Variants in CTNNBIP1 observed in about 807,000 individuals in gnomAD.
The protein encoded by CTNNBIP1 is beta-catenin-interacting protein 1.
A neutral mutation model predicts 11.8 loss-of-function variants in CTNNBIP1; 7 were observed. The observed-to-expected ratio is 0.60, with a 90% CI of 0.34 to 1.12. The LOEUF (loss-of-function observed/expected upper bound fraction) is 1.12. Among genes scored for constraint, CTNNBIP1 ranks in the 50% most tolerant of loss-of-function variants. The probability of loss-of-function intolerance (pLI) is 0.03; values close to 1 mark genes in which losing one functional copy is unlikely to be tolerated. For synonymous variants in CTNNBIP1, 58 were observed against 43.9 expected (o/e 1.32, Z -1.26); for missense variants, 101 against 113.4 (o/e 0.89, Z 0.50).
At chr1:9,860,324 C>G (rs1407652451) in intron 5 of CTNNBIP1, among the ~76,000 whole-genome samples, 2 of 150,014 alleles carry the variant, frequency 1.3e-5, no homozygotes, top group Non-Finnish European at 3.0e-5. Context: ...GGTGTGGTGG[C>G]TCATGCCTGT....
chr1:9,879,179 A>T (rs1172902406), intron 2 of CTNNBIP1, among the ~76,000 whole-genome samples: 1 of 150,824 alleles, frequency 6.6e-6, no homozygotes, highest in Non-Finnish European at 1.5e-5. Context: ...CCTGGGGAAC[A>T]GTGTGAGACT....
intron 5 of CTNNBIP1, among the ~76,000 whole-genome samples, chr1:9,863,124 GGA>G (rs1312890990): frequency 1.3e-5 from 2 of 152,086 alleles, no homozygotes; most frequent in African/African-American, 4.8e-5. Context: ...GACCCTCCCT[GGA>G]GCCGCAGCCA....
chr1:9,862,025 C>G (rs536972454), intron 5 of CTNNBIP1, among the ~76,000 whole-genome samples: 5 of 152,338 alleles, frequency 3.3e-5, no homozygotes, highest in African/African-American at 1.2e-4. Context: ...CCAAATCCAT[C>G]TTGCCCTGTT....
At chr1:9,856,590 C>G (rs1391929012) in intron 5 of CTNNBIP1, among the ~76,000 whole-genome samples, 1 of 150,972 alleles carries the variant, frequency 6.6e-6, no homozygotes, top group South Asian at 2.1e-4. Flanking sequence ...TCAATCTCAC[C>G]ACAATCTCCG....
chr1:9,908,093 C>CT (rs1639652485), intron 1 of CTNNBIP1, among the ~76,000 whole-genome samples: 2 of 152,354 alleles, frequency 1.3e-5, no homozygotes, highest in East Asian at 1.9e-4. Context: ...GAGTTTTGCT[C>CT]TGTTGCCCAG....
chr1:9,888,021 A>G (rs1337422346), intron 1 of CTNNBIP1, among the ~76,000 whole-genome samples: 1 of 151,438 alleles, frequency 6.6e-6, no homozygotes, highest in Non-Finnish European at 1.5e-5. Context: ...ACGGGGTTTC[A>G]CCATGTTGGC....
chr1:9,909,843 GT>G (rs1376955469), intron 1 of CTNNBIP1, among the ~76,000 whole-genome samples: 1 of 152,090 alleles, frequency 6.6e-6, no homozygotes, highest in East Asian at 1.9e-4. Context: ...GAGCAACAAG[GT>G]GGGCGGCGCG....
At chr1:9,880,203 C>T (rs1408369872) in intron 2 of CTNNBIP1, among the ~76,000 whole-genome samples, 3 of 151,914 alleles carry the variant, frequency 2.0e-5, no homozygotes. Context: ...TGTTCAACTC[C>T]CACTTATGAG....
At chr1:9,864,438 C>T (rs1020635550) in intron 5 of CTNNBIP1, among the ~76,000 whole-genome samples, 6 of 152,260 alleles carry the variant, frequency 3.9e-5, no homozygotes, top group Non-Finnish European at 4.4e-5. Context: ...ACGCCATTCT[C>T]CTGCCTCAGC....
At chr1:9,908,549 T>C (rs1639667561) in intron 1 of CTNNBIP1, among the ~76,000 whole-genome samples, 1 of 149,848 alleles carries the variant, frequency 6.7e-6, no homozygotes. Context: ...TAATTTTTTG[T>C]ATTTGTAGTA....
At position 9,871,928 on chromosome 1, in the gene CTNNBIP1, C is replaced by G; in HGVS notation, c.96+41G>C. 6.4e-7 allele frequency: 1 copy of G among 1,572,626 alleles called. No individual in the cohort carries two copies. The highest frequency in any genetic ancestry group is 8.8e-7 in the Non-Finnish European group (1 of 1,142,702). ...CAGCAGGGCCCCTCCCTGGGAGACC[C>G]TCCCTGGGGGCCCGCTGCCTGACAC... On this transcript the variant is annotated intron_variant, in intron 4 of 5. Coordinates refer to ENST00000377263, the MANE Select transcript of CTNNBIP1 (RefSeq NM_020248.3). The surrounding 1 kb of genome is among the most constrained non-coding windows in gnomAD (Gnocchi z 5.2).
At chr1:9,892,606 AAAG>A (rs1445794606) in intron 1 of CTNNBIP1, among the ~76,000 whole-genome samples, 30 of 152,136 alleles carry the variant, frequency 2.0e-4, no homozygotes, top group African/African-American at 6.0e-4. Context: ...AAAAAAAAGA[AAAG>A]AAGTTTTAAG....
Position 9,849,239 on chromosome 1 carries a change from G to C in CTNNBIP1, c.*1479C>G, listed in dbSNP as rs1173678505. On this transcript the variant is annotated 3_prime_UTR_variant, in exon 6 of 6. Transcript: ENST00000377263. Reference sequence around the variant, plus strand: ...CCTGCCCCTCACCCCCTGCCTCCAGGACTGCCATTCTGAACTGCAATTCTG... The same window carrying C: ...CCTGCCCCTCACCCCCTGCCTCCAGCACTGCCATTCTGAACTGCAATTCTG... The C allele has an allele frequency of 6.6e-6, 1 of 152,500 alleles. No individual in the cohort carries two copies. Among genetic ancestry groups the C allele is most frequent in the African/African-American group, 2.4e-5 (1 of 41,458 alleles). 9.4% of individuals were successfully genotyped at this position (152,500 alleles called of 1,614,324 possible).
chr1:9,874,414 C>G (rs1259162586), intron 3 of CTNNBIP1, among the ~76,000 whole-genome samples: 1 of 152,208 alleles, frequency 6.6e-6, no homozygotes, highest in East Asian at 1.9e-4. Flanking sequence ...GCCACAACAC[C>G]CTGCCACTTT....
At chr1:9,893,584 G>A (rs1639349796) in intron 1 of CTNNBIP1, among the ~76,000 whole-genome samples, 1 of 152,102 alleles carries the variant, frequency 6.6e-6, no homozygotes, top group Admixed American at 6.6e-5. Flanking sequence ...CTGCCCTCCT[G>A]CAAAAACTCT....
intron 5 of CTNNBIP1, among the ~76,000 whole-genome samples, chr1:9,860,972 G>A (rs1638613860): frequency 6.6e-6 from 1 of 152,192 alleles, no homozygotes; most frequent in African/African-American, 2.4e-5. Flanking sequence ...GCTAACTTTG[G>A]CTAAGTGCTT....
intron 1 of CTNNBIP1, among the ~76,000 whole-genome samples, chr1:9,887,802 T>C (rs1466684180): frequency 1.3e-5 from 2 of 152,094 alleles, no homozygotes; most frequent in African/African-American, 4.8e-5. Context: ...AAATAAGGCT[T>C]ACAATTATTA....
intron 1 of CTNNBIP1, among the ~76,000 whole-genome samples, chr1:9,901,905 C>T (rs935431721): frequency 5.9e-5 from 9 of 152,212 alleles, no homozygotes; most frequent in African/African-American, 1.9e-4. Context: ...ATATGCCTCG[C>T]TGTCCTGGCA....
intron 1 of CTNNBIP1, among the ~76,000 whole-genome samples, chr1:9,904,768 G>A (rs1639586021): frequency 6.6e-6 from 1 of 152,208 alleles, no homozygotes; most frequent in East Asian, 1.9e-4. Flanking sequence ...AAGATAAGAA[G>A]CTTTAACTCA....
Sources: allele counts gnomAD v4.1 joint callset (sites outside exome capture counted in the v4.1 genomes callset), GRCh38; gene constraint gnomAD v4.1.1; non-coding constraint Gnocchi (gnomAD v3.1); transcripts MANE v1.5; gene names NCBI Gene and HGNC (gene_info 2026-07-23, HGNC 2026-07-21).